The following DGAT2 variants were observed in gnomAD, a reference collection of about 807,000 sequenced individuals.
DGAT2 encodes the protein acyl-CoA retinol O-fatty-acyltransferase.
In DGAT2, 33 loss-of-function variants were observed where a neutral mutation model predicts 48.4. The ratio of observed to expected loss-of-function variants is 0.68; its 90% confidence interval spans 0.52 to 0.91. The LOEUF is 0.91. DGAT2 is among the 40% of genes least tolerant of loss of function. The pLI, the probability that DGAT2 is intolerant of heterozygous loss-of-function variation, is 0.00. For synonymous variants in DGAT2, 191 were observed against 194.1 expected (o/e 0.98, Z 0.13); for missense variants, 446 against 493.7 (o/e 0.90, Z 0.92).
intron 1 of DGAT2, among the ~76,000 whole-genome samples, chr11:75,770,724 T>C (rs1324654487): frequency 6.6e-6 from 1 of 152,210 alleles, no homozygotes; most frequent in African/African-American, 2.4e-5. Context: ...ACTTGTACTC[T>C]AGCGAATGGT....
intron 4 of DGAT2, among the ~76,000 whole-genome samples, chr11:75,791,585 C>T (rs929894484): frequency 3.9e-5 from 6 of 152,318 alleles, no homozygotes; most frequent in East Asian, 1.9e-4. Context: ...ATGATGGCAA[C>T]ATTGCAACCA....
At chr11:75,770,326 T>A (rs917100136) in intron 1 of DGAT2, among the ~76,000 whole-genome samples, 5 of 152,200 alleles carry the variant, frequency 3.3e-5, no homozygotes, top group African/African-American at 1.2e-4. Flanking sequence ...TGATTATCGC[T>A]GTGGTTATCT....
chr11:75,797,195 G>A lies in DGAT2; in HGVS notation c.672G>A (p.Leu224=). ...TCAGCCGGGACACCATAGACTATTT[G>A]CTTTCAAAGAATGGGAGTGGCAATG... ...CPVSRDTIDY[L]LSKNGSGNAI... Residue 224 remains leucine, a synonymous_variant, in exon 6 of 8, where the codon TTG becomes TTA. Coordinates refer to ENST00000228027, the MANE Select transcript of DGAT2 (RefSeq NM_032564.5). 1.3e-6 allele frequency: 2 copies of A among 1,553,310 alleles called. No individual in the cohort carries two copies. The highest frequency in any genetic ancestry group is 1.7e-6 in the Non-Finnish European group (2 of 1,147,650).
Position 75,796,449 on chromosome 11 carries a change from A to C in DGAT2, c.551A>C (p.Lys184Thr). Residue 184 changes from lysine to threonine, a missense_variant, in exon 5 of 8, where the codon AAG becomes ACG. Coordinates refer to ENST00000228027, the MANE Select transcript of DGAT2 (RefSeq NM_032564.5). ...FSTEATEVSK[K>T]FPGIRPYLAT... ...ACAGAGGCCACAGAAGTGAGCAAGA[A>C]GTTCCCAGGCATACGGCCTTACCTG... 6.2e-7 allele frequency: 1 copy of C among 1,614,092 alleles called. No homozygotes were observed. Among genetic ancestry groups the C allele is most frequent in the African/African-American group, 1.3e-5 (1 of 75,026 alleles).
chr11:75,786,388 C>T (rs1482253659), intron 2 of DGAT2, among the ~76,000 whole-genome samples: 1 of 152,144 alleles, frequency 6.6e-6, no homozygotes, highest in Non-Finnish European at 1.5e-5. Flanking sequence ...GCCTCCCAGA[C>T]CCCCTGCCTA....
chr11:75,771,030 G>C (rs1944751418), intron 1 of DGAT2, among the ~76,000 whole-genome samples: 1 of 152,140 alleles, frequency 6.6e-6, no homozygotes, highest in Non-Finnish European at 1.5e-5. Flanking sequence ...GCCTCTGTGG[G>C]TAAGGTCCCA....
Position 75,793,536 on chromosome 11 carries a change from T to G in DGAT2, c.430-2792T>G, listed in dbSNP as rs183994613. On this transcript the variant is annotated intron_variant, in intron 4 of 7. Transcript: ENST00000228027. ...ATTTGCTGTGACCTCCACAGGGGAA[T>G]TGCAGCTCCCTTTTCTAGGCCTCAG... 223 of 152,388 alleles carry G rather than the reference T, an allele frequency of 1.5e-3. 1 individual carries two copies. The highest frequency in any genetic ancestry group is 5.1e-3 in the African/African-American group (211 of 41,572). 9.4% of individuals were successfully genotyped at this position (152,388 alleles called of 1,614,324 possible).
intron 1 of DGAT2, among the ~76,000 whole-genome samples, chr11:75,778,840 A>AAG (rs1218255125): frequency 6.6e-6 from 1 of 151,856 alleles, no homozygotes; most frequent in Non-Finnish European, 1.5e-5. Context: ...TCTCAAAAAA[A>AAG]AAAAAAAAAA....
At chr11:75,776,606 T>A (rs1341577195) in intron 1 of DGAT2, 1 of 152,178 alleles carries the variant, frequency 6.6e-6, no homozygotes, top group Non-Finnish European at 1.5e-5. Flanking sequence ...AAGTCCCTCC[T>A]TCCTGGAGGG....
At position 75,799,904 on chromosome 11, in the gene DGAT2, C is replaced by T. The variant is rs1402977818; in HGVS notation, c.1013-450C>T. 2.6e-5 allele frequency among the ~76,000 whole-genome samples: 4 copies of T among 152,178 alleles called. 1 individual carries two copies. The highest frequency in any genetic ancestry group is 2.6e-4 in the Admixed American group (4 of 15,274). ...CAGTGCTGGAATTACAGGCGTGAGC[C>T]ACCACTCCTGGCCTACACTTTTTAA... On this transcript the variant is annotated intron_variant, in intron 7 of 7. Transcript: ENST00000228027.
chr11:75,785,350 A>G (rs1565316404), intron 2 of DGAT2, among the ~76,000 whole-genome samples: 1 of 152,218 alleles, frequency 6.6e-6, no homozygotes, highest in African/African-American at 2.4e-5. Flanking sequence ...CATGGGAATC[A>G]TCGGGAGGTG....
chr11:75,800,309 G>T, intron 7 of DGAT2, 45 bp from the exon 8 acceptor site: 1 of 1,595,248 alleles, frequency 6.3e-7, no homozygotes, highest in South Asian at 1.1e-5. Flanking sequence ...GGATGCCCAG[G>T]GGAAGGGTGT....
At chr11:75,769,205 C>A in intron 1 of DGAT2, 93 bp downstream of exon 1, 1 of 1,400,950 alleles carries the variant, frequency 7.1e-7, no homozygotes, top group Non-Finnish European at 9.4e-7. Flanking sequence ...AGTCCACGTT[C>A]ATTCTCCACT....
Position 75,788,856 on chromosome 11 carries a change from C to G in DGAT2, c.251-1332C>G, listed in dbSNP as rs554957855. Among the ~76,000 whole-genome samples the G allele has an allele frequency of 2.0e-5, 3 of 152,314 alleles. No individual in the cohort carries two copies. In the South Asian group the frequency reaches 6.2e-4, roughly 32 times the overall value. On this transcript the variant is annotated intron_variant, in intron 2 of 7. Coordinates refer to ENST00000228027, the MANE Select transcript of DGAT2 (RefSeq NM_032564.5). ...AAGGACCAAAGAAGATGCCTCCCCA[C>G]CCAGTGTGGGAAATTCACAGGCAAG...
intron 1 of DGAT2, among the ~76,000 whole-genome samples, chr11:75,770,622 G>A (rs1297762760): frequency 1.3e-5 from 2 of 152,124 alleles, no homozygotes; most frequent in Non-Finnish European, 2.9e-5. Flanking sequence ...CCATTCCGTC[G>A]GCTCTGCCAT....
At chr11:75,794,556 C>T (rs1241273446) in intron 4 of DGAT2, 2 of 152,210 alleles carry the variant, frequency 1.3e-5, no homozygotes, top group Non-Finnish European at 2.9e-5. Context: ...TGAAGCATTA[C>T]TTCTAAGAGG....
chr11:75,790,836 CTT>C, intron 4 of DGAT2, 105 bp downstream of exon 4: 1 of 1,105,450 alleles, frequency 9.0e-7, no homozygotes, highest in South Asian at 1.3e-5. Flanking sequence ...AAGTTGGTCT[CTT>C]CATTTCCTTT....
rs1320740938 is a variant in DGAT2 at position 75,796,272 on chromosome 11, A to G, written c.430-56A>G. On this transcript the variant is annotated intron_variant, in intron 4 of 7. Transcript: ENST00000228027. ...TCCAATCCCTCCCTACCCTCCGGGT[A>G]TGCCCCGGTATCCCTCTCCCAGCCA... 7 of 1,492,536 alleles carry G rather than the reference A, an allele frequency of 4.7e-6. No homozygotes were observed. In the South Asian group the frequency reaches 8.1e-5, roughly 17 times the overall value. The allele number at this position is 1,492,536 out of a possible 1,614,324, so 92.5% of individuals were successfully genotyped here.
chr11:75,782,741 A>G (rs1944880132), intron 1 of DGAT2, among the ~76,000 whole-genome samples: 1 of 152,234 alleles, frequency 6.6e-6, no homozygotes. Flanking sequence ...GGCCCTGAGC[A>G]TGACCCTCCG....
Sources: gnomAD v4.1 joint callset for allele counts (sites outside exome capture counted in the v4.1 genomes callset) on GRCh38, gnomAD v4.1.1 for gene constraint, MANE v1.5 for transcripts, NCBI Gene and HGNC (gene_info 2026-07-23, HGNC 2026-07-21) for gene names.